TP53TG5: variants seen among roughly 807,000 people sequenced by gnomAD.
TP53TG5 encodes TP53 target 5, also known as TP53-target gene 5 protein.
A neutral mutation model predicts 30.0 loss-of-function variants in TP53TG5; 17 were observed. The ratio of observed to expected loss-of-function variants is 0.57; its 90% CI spans 0.39 to 0.85. The LOEUF is 0.85. TP53TG5 is among the 40% of genes least tolerant of loss of function. TP53TG5 has a pLI of 0.00. For missense variants in TP53TG5, 338 were observed against 367.9 expected (o/e 0.92, Z 0.67); for synonymous variants, 137 against 139.2 (o/e 0.98, Z 0.11).
At position 45,373,850 on chromosome 20, in the gene TP53TG5, G is replaced by A; in HGVS notation, c.*57C>T. 1.9e-6 allele frequency: 3 copies of A among 1,539,692 alleles called. No homozygotes were observed. The highest frequency in any genetic ancestry group is 2.7e-6 in the Non-Finnish European group (3 of 1,113,172). Reference sequence around the variant, plus strand: ...AGGCCTCTTTCCTTCATCCTTCCCAGCCCCAGACAAACAGGCAGAGTAAGC... The same window carrying A: ...AGGCCTCTTTCCTTCATCCTTCCCAACCCCAGACAAACAGGCAGAGTAAGC... On this transcript the variant is annotated 3_prime_UTR_variant, in exon 5 of 5. Transcript: ENST00000372726.
chr20:45,375,149 G>C lies in TP53TG5; in HGVS notation c.658C>G (p.Leu220Val), dbSNP rs768197014. Residue 220 changes from leucine (L) to valine (V), a missense_variant, in exon 4 of 5, where the codon CTC (leucine) becomes GTC (valine). Physicochemically the swap from Leu to Val is conservative, Grantham distance 32 (BLOSUM62 1). Coordinates refer to ENST00000372726, the MANE Select transcript of TP53TG5 (RefSeq NM_014477.3). ...WFEGLPTRIH[L>V]PAPRVMCRSS... ...CTGCACATCACCCTGGGCGCCGGGA[G>C]GTGGATTCGTGTGGGCAGCCCCTCA... 2.5e-6 allele frequency: 4 copies of C among 1,614,150 alleles called. No homozygotes were observed. Among genetic ancestry groups the C allele is most frequent in the Admixed American group, 1.7e-5 (1 of 60,028 alleles).
Position 45,373,908 on chromosome 20 carries a change from T to G in TP53TG5, c.872A>C (p.Ter291SerextTer7), listed in dbSNP as rs1195385641. 6.2e-7 allele frequency: 1 copy of G among 1,613,726 alleles called. No homozygotes were observed. Residue 291 changes from the stop codon to serine (S), a stop_lost, in exon 5 of 5, where the codon TAA becomes TCA. Coordinates refer to ENST00000372726, the MANE Select transcript of TP53TG5 (RefSeq NM_014477.3). ...GTCTTAGGTGCCATATGGAAGATCT[T>G]ATTTGTAGACTCGTGAATTTCGCCA... ...NGWRNSRVYK[*>S]
rs1988621404 is a variant in TP53TG5, at chr20:45,373,549, C to G, written c.*358G>C. 1 of 319,726 alleles carries G rather than the reference C, an allele frequency of 3.1e-6. No individual in the cohort carries two copies. Among genetic ancestry groups the G allele is most frequent in the African/African-American group, 2.1e-5 (1 of 48,130 alleles). 19.8% of individuals were successfully genotyped at this position (319,726 alleles called of 1,614,324 possible). ...AATGGGGAGCAACCAGGAGCCCTTG[C>G]TCCTGCCACTTTCTAGCTGAGTGAG... On this transcript the variant is annotated 3_prime_UTR_variant, in exon 5 of 5. Transcript: ENST00000372726.
At chr20:45,374,189 G>A in intron 4 of TP53TG5, 178 bp from the exon 5 acceptor site, 1 of 672,512 alleles carries the variant, frequency 1.5e-6, no homozygotes, top group African/African-American at 1.8e-5. Context: ...CCTTCCTTTC[G>A]TGGGACTTTC....
chr20:45,374,563 T>G, intron 4 of TP53TG5: 2 of 503,258 alleles, frequency 4.0e-6, no homozygotes, highest in Non-Finnish European at 7.0e-6. Context: ...TGAGCCACCA[T>G]GCCTAGCCTG....
chr20:45,375,038 C>T lies in TP53TG5; in HGVS notation c.768+1G>A, dbSNP rs765617238. 10 of 1,612,014 alleles carry T rather than the reference C, an allele frequency of 6.2e-6. No individual in the cohort carries two copies. The highest frequency in any genetic ancestry group is 8.5e-6 in the Non-Finnish European group (10 of 1,178,534). ...CCTGGCAGTGTTGTTGTCACACCCA[C>T]CTTGTATGGATGCCACATAGGCATT... On this transcript the variant is annotated splice_donor_variant, in intron 4 of 4. Transcript: ENST00000372726. LOFTEE classifies it high-confidence loss of function.
rs142901213 is a variant in TP53TG5, at chr20:45,375,378, C to T, written c.429G>A (p.Thr143=). 12 of 1,614,004 alleles carry T rather than the reference C, an allele frequency of 7.4e-6. No individual in the cohort carries two copies. Among genetic ancestry groups the T allele is most frequent in the South Asian group, 5.5e-5 (5 of 91,082 alleles). ...CTTTCCGTGGCATTGCCGCCAATGA[C>T]GTTTTCTCCTTGTTCCTCATCCCTG... is the stretch of plus-strand genomic sequence containing the variant. ...VQSGMRNKEK[T]SLAAMPRKEK... The change falls in exon 4 of 5, where the codon ACG becomes ACA. Residue 143 remains threonine, a synonymous_variant. Transcript: ENST00000372726.
Position 45,373,853 on chromosome 20 carries a change from CCAGA to C in TP53TG5, c.*50_*53del, listed in dbSNP as rs750995381. On this transcript the variant is annotated 3_prime_UTR_variant, in exon 5 of 5. Transcript: ENST00000372726. ...CCTCTTTCCTTCATCCTTCCCAGCC[CCAGA>C]CAAACAGGCAGAGTAAGCAGTATTC... 121 of 1,550,250 alleles carry C rather than the reference CCAGA, an allele frequency of 7.8e-5. No homozygotes were observed. The highest frequency in any genetic ancestry group is 1.7e-4 in the Middle Eastern group (1 of 5,972).
intron 4 of TP53TG5, chr20:45,374,714 T>G (rs946143429): frequency 2.9e-5 from 13 of 447,066 alleles, no homozygotes; most frequent in African/African-American, 1.2e-4. Flanking sequence ...AACCCACTTA[T>G]GTAGGCCTCT....
chr20:45,377,953 A>C (rs979470140), intron 1 of TP53TG5, among the ~76,000 whole-genome samples: 3 of 151,972 alleles, frequency 2.0e-5, no homozygotes, highest in Non-Finnish European at 4.4e-5. Context: ...ATCCTCCTGA[A>C]CTCCTCCATG....
chr20:45,378,223 G>C lies in TP53TG5; in HGVS notation c.14C>G (p.Ala5Gly). Residue 5 changes from alanine (A) to glycine (G), a missense_variant, in exon 1 of 5, where the codon GCA becomes GGA. By Grantham distance (60) the Ala-to-Gly change is moderately conservative. Transcript: ENST00000372726. Reference sequence around the variant, plus strand: ...CCTGCTGTTCTTGGGCCTCTTCTTTGCTGATGGACTCATGCTGGGGCTGTG... The same window carrying C: ...CCTGCTGTTCTTGGGCCTCTTCTTTCCTGATGGACTCATGCTGGGGCTGTG... The part of the protein sequence containing the change: MSPS[A>G]KKRPKNSRVS... The C allele has an allele frequency of 6.2e-7, 1 of 1,614,142 alleles. No individual in the cohort carries two copies. The highest frequency in any genetic ancestry group is 8.5e-7 in the Non-Finnish European group (1 of 1,179,998).
chr20:45,376,084 C>G (rs189524978), intron 3 of TP53TG5: 1 of 150,212 alleles, frequency 6.7e-6, no homozygotes, highest in Admixed American at 6.7e-5. Flanking sequence ...TGTCTCCATA[C>G]AAAAAAAAAA....
In TP53TG5 at chr20:45,373,466, T is replaced by A. The variant is rs191746634; in HGVS notation, c.*441A>T. The A allele has an allele frequency of 5.4e-5, 12 of 220,818 alleles. No individual in the cohort carries two copies. In the Admixed American group the frequency reaches 5.6e-4, roughly 10 times the overall value. 13.7% of individuals were successfully genotyped at this position (220,818 alleles called of 1,614,324 possible). ...TACAGGGTGCTGGGGCTATTCCGCCTGCCTCGTGACTTCTGAGCAGGCTCT... is the reference window on the plus strand; with the variant it reads ...TACAGGGTGCTGGGGCTATTCCGCCAGCCTCGTGACTTCTGAGCAGGCTCT... On this transcript the variant is annotated 3_prime_UTR_variant, in exon 5 of 5. Transcript: ENST00000372726.
rs762130637 is a variant in TP53TG5 at position 45,375,261 on chromosome 20, G to A, written c.546C>T (p.Pro182=). ...VQGRQPLTEG[P]RVIFIKPYRN... Reference sequence around the variant, plus strand: ...GGTAGGGCTTAATGAAGATGACTCGGGGGCCCTCGGTGAGTGGTTGCCTCC... The same window carrying A: ...GGTAGGGCTTAATGAAGATGACTCGAGGGCCCTCGGTGAGTGGTTGCCTCC... Residue 182 remains proline (P), a synonymous_variant, in exon 4 of 5, where the codon CCC becomes CCT. Coordinates refer to ENST00000372726, the MANE Select transcript of TP53TG5 (RefSeq NM_014477.3). 1 of 1,614,160 alleles carries A rather than the reference G, an allele frequency of 6.2e-7. No homozygotes were observed. Among genetic ancestry groups the A allele is most frequent in the Non-Finnish European group, 8.5e-7 (1 of 1,180,016 alleles).
chr20:45,378,099 A>G, intron 1 of TP53TG5, 90 bp downstream of exon 1: 2 of 1,575,414 alleles, frequency 1.3e-6, no homozygotes, highest in Non-Finnish European at 1.7e-6. Context: ...CTTTTCTCCC[A>G]TGCTGGAAAG....
rs370762601 is a variant in TP53TG5, at chr20:45,378,214, C to G, written c.23G>C (p.Arg8Thr). The stretch of plus-strand genomic sequence containing the variant: ...CTTGGAAACCCTGCTGTTCTTGGGC[C>G]TCTTCTTTGCTGATGGACTCATGCT... MSPSAKKRPKNSRVSKMQ... is the reference protein window; with the variant it reads MSPSAKKTPKNSRVSKMQ... The change falls in exon 1 of 5, where the codon AGG (arginine) becomes ACG (threonine). Residue 8 changes from arginine (R) to threonine (T), a missense_variant. By Grantham distance (71) the Arg-to-Thr change is moderately conservative (BLOSUM62 -1). Coordinates refer to ENST00000372726, the MANE Select transcript of TP53TG5 (RefSeq NM_014477.3). 2 of 1,614,006 alleles carry G rather than the reference C, an allele frequency of 1.2e-6. No individual in the cohort carries two copies. Among genetic ancestry groups the G allele is most frequent in the Admixed American group, 1.7e-5 (1 of 59,992 alleles).
Position 45,375,551 on chromosome 20 carries a change from C to G in TP53TG5, c.256G>C (p.Glu86Gln). 2 of 1,603,712 alleles carry G rather than the reference C, an allele frequency of 1.2e-6. No homozygotes were observed. The highest frequency in any genetic ancestry group is 1.7e-6 in the Non-Finnish European group (2 of 1,178,596). ...TTTGTTTTATTGCAGGCACTGTTTT[C>G]CCTGGCAGGGAGAGGAAAGGCAGTC... ...VPKILRISSG[E>Q]NSACNKTKQN... The change falls in exon 4 of 5, where the codon GAA becomes CAA. Residue 86 changes from glutamate (E) to glutamine (Q), a missense_variant and splice_region_variant. Transcript: ENST00000372726.
At position 45,373,914 on chromosome 20, in the gene TP53TG5, T is replaced by G; in HGVS notation, c.866A>C (p.Tyr289Ser). The G allele has an allele frequency of 3.1e-6, 5 of 1,613,910 alleles. No homozygotes were observed. The highest frequency in any genetic ancestry group is 4.2e-6 in the Non-Finnish European group (5 of 1,179,848). Reference sequence around the variant, plus strand: ...GGTGCCATATGGAAGATCTTATTTGTAGACTCGTGAATTTCGCCACCCATT... The same window carrying G: ...GGTGCCATATGGAAGATCTTATTTGGAGACTCGTGAATTTCGCCACCCATT... Reference protein sequence around the residue: ...GRNGWRNSRVYK With the variant: ...GRNGWRNSRVSK The change falls in exon 5 of 5, where the codon TAC (tyrosine) becomes TCC (serine). Residue 289 changes from tyrosine to serine, a missense_variant. Physicochemically the swap from Tyr to Ser is moderately radical, Grantham distance 144. Transcript: ENST00000372726.
Position 45,373,970 on chromosome 20 carries a change from C to T in TP53TG5, c.810G>A (p.Gly270=). The T allele has an allele frequency of 6.2e-7, 1 of 1,614,114 alleles. No individual in the cohort carries two copies. Among genetic ancestry groups the T allele is most frequent in the Non-Finnish European group, 8.5e-7 (1 of 1,180,032 alleles). ...TWTRARGASR[G]WRSRHQLKGR... ...CCTTCAGCTGATGGCGCGATCTCCA[C>T]CCTCTGCTCGCACCTCTGGCTCTCG... The change falls in exon 5 of 5, where the codon GGG becomes GGA. Residue 270 remains glycine, a synonymous_variant. Transcript: ENST00000372726.
Sources: gnomAD v4.1 joint callset for allele counts (sites outside exome capture counted in the v4.1 genomes callset) on GRCh38, gnomAD v4.1.1 for gene constraint, MANE v1.5 for transcripts, NCBI Gene and HGNC (gene_info 2026-07-23, HGNC 2026-07-21) for gene names.